Variants in UNC5D observed in about 807,000 individuals in gnomAD.
UNC5D encodes the protein unc-5 netrin receptor D, also known as netrin receptor UNC5D.
A neutral mutation model predicts 105.4 loss-of-function variants in UNC5D; 39 were observed. The ratio of observed to expected loss-of-function variants is 0.37; its 90% CI spans 0.29 to 0.48. The LOEUF (loss-of-function observed/expected upper bound fraction) is 0.48. Among genes scored for constraint, UNC5D ranks in the 20% least tolerant of loss-of-function variants. The pLI, the probability that UNC5D is intolerant of heterozygous loss-of-function variation, is 0.98. For missense variants in UNC5D, 991 were observed against 1,202.4 expected (o/e 0.82, Z 2.60); for synonymous variants, 452 against 450.4 (o/e 1.00, Z -0.04).
chr8:35,735,688 A>G (rs1285692601), intron 11 of UNC5D, among the ~76,000 whole-genome samples: 1 of 152,272 alleles, frequency 6.6e-6, no homozygotes, highest in Admixed American at 6.5e-5. Flanking sequence ...AATAGAGAAG[A>G]AAGGATAGAA....
chr8:35,358,137 C>T (rs1302272753), intron 1 of UNC5D, among the ~76,000 whole-genome samples: 1 of 152,126 alleles, frequency 6.6e-6, no homozygotes, highest in African/African-American at 2.4e-5. Flanking sequence ...CCCAGCAATC[C>T]CATTACTGGG....
intron 1 of UNC5D, among the ~76,000 whole-genome samples, chr8:35,263,701 T>C (rs1341645548): frequency 2.0e-5 from 3 of 152,206 alleles, no homozygotes; most frequent in Non-Finnish European, 2.9e-5. Flanking sequence ...AATAGTAGAG[T>C]AGATGACAGA....
intron 1 of UNC5D, among the ~76,000 whole-genome samples, chr8:35,413,929 T>C (rs1418153334): frequency 6.6e-6 from 1 of 152,110 alleles, no homozygotes; most frequent in African/African-American, 2.4e-5. Context: ...GTGCTGGTCA[T>C]ATATTACAAC....
chr8:35,262,938 C>T (rs1804588304), intron 1 of UNC5D, among the ~76,000 whole-genome samples: 1 of 152,058 alleles, frequency 6.6e-6, no homozygotes, highest in African/African-American at 2.4e-5. Context: ...TTTATCACTC[C>T]CCAAAAAGCA....
chr8:35,740,058 G>A (rs1344032842), intron 11 of UNC5D, among the ~76,000 whole-genome samples: 1 of 152,186 alleles, frequency 6.6e-6, no homozygotes, highest in Non-Finnish European at 1.5e-5. Flanking sequence ...GCCCTAAAGT[G>A]AACAGATACC....
intron 1 of UNC5D, among the ~76,000 whole-genome samples, chr8:35,480,581 C>A (rs749589070): frequency 6.6e-6 from 1 of 152,052 alleles, no homozygotes; most frequent in Non-Finnish European, 1.5e-5. Context: ...CATTATTGAA[C>A]AACTTTTTTT....
At chr8:35,334,762 C>T (rs769158095) in intron 1 of UNC5D, among the ~76,000 whole-genome samples, 8 of 152,180 alleles carry the variant, frequency 5.3e-5, no homozygotes, top group Non-Finnish European at 1.2e-4. Flanking sequence ...GATGCACCCA[C>T]CTCGGCCTCC....
intron 4 of UNC5D, among the ~76,000 whole-genome samples, chr8:35,678,339 C>A (rs538124874): frequency 1.1e-4 from 17 of 152,094 alleles, no homozygotes; most frequent in Non-Finnish European, 2.2e-4. Context: ...AATCCTCTTT[C>A]ATTTTGGGTT....
At chr8:35,372,555 TGAA>T (rs996967778) in intron 1 of UNC5D, among the ~76,000 whole-genome samples, 14 of 152,168 alleles carry the variant, frequency 9.2e-5, no homozygotes, top group African/African-American at 3.1e-4. Context: ...AGAAAGGAAA[TGAA>T]TAAGCTTTCA....
intron 1 of UNC5D, among the ~76,000 whole-genome samples, chr8:35,512,897 C>T (rs6985704): frequency 0.076 from 11,515 of 151,784 alleles, 473 homozygotes; most frequent in Non-Finnish European, 0.086. Context: ...CCCAAACTGG[C>T]CTTGACCTCC....
At chr8:35,743,430 T>C (rs1328052861) in intron 11 of UNC5D, among the ~76,000 whole-genome samples, 2 of 151,480 alleles carry the variant, frequency 1.3e-5, no homozygotes, top group Admixed American at 1.3e-4. Flanking sequence ...CCACCACGCC[T>C]GACTAATTTT....
chr8:35,748,209 G>T (rs1469145002), intron 11 of UNC5D, among the ~76,000 whole-genome samples: 1 of 152,138 alleles, frequency 6.6e-6, no homozygotes, highest in African/African-American at 2.4e-5. Context: ...CAAGAATAAG[G>T]ATTCAGTAGC....
intron 1 of UNC5D, among the ~76,000 whole-genome samples, chr8:35,424,061 A>G (rs1357121116): frequency 6.6e-6 from 1 of 152,138 alleles, no homozygotes; most frequent in African/African-American, 2.4e-5. Flanking sequence ...TGGCTTCCCA[A>G]AGTGCTGGGA....
intron 1 of UNC5D, among the ~76,000 whole-genome samples, chr8:35,385,717 G>A (rs1270759705): frequency 2.6e-5 from 4 of 151,996 alleles, no homozygotes; most frequent in East Asian, 3.9e-4. Context: ...CACCTGCCTC[G>A]GCCTCCCACA....
At chr8:35,472,826 A>G (rs1044418851) in intron 1 of UNC5D, among the ~76,000 whole-genome samples, 1 of 152,170 alleles carries the variant, frequency 6.6e-6, no homozygotes, top group Non-Finnish European at 1.5e-5. Flanking sequence ...TTGGCCTCAC[A>G]TGAAGGGTAG....
intron 1 of UNC5D, among the ~76,000 whole-genome samples, chr8:35,459,853 C>T (rs1043362141): frequency 1.3e-5 from 2 of 152,052 alleles, no homozygotes; most frequent in African/African-American, 4.8e-5. Context: ...GATTTTATGC[C>T]ATTGGACAAT....
rs535790687 is a variant in UNC5D, at chr8:35,782,553, G to T, written c.2658-7806G>T. 2.7e-5 allele frequency among the ~76,000 whole-genome samples: 4 copies of T among 150,332 alleles called. No individual in the cohort carries two copies. The East Asian group carries it at 7.9e-4, about 30-fold the overall frequency. On this transcript the variant is annotated intron_variant, in intron 16 of 16. Coordinates refer to ENST00000404895, the MANE Select transcript of UNC5D (RefSeq NM_080872.4). ...GAGTCTCACCCTGTCACCCAGGCTG[G>T]AGTGCAATGGCACCATCTAGGCTCA...
intron 4 of UNC5D, among the ~76,000 whole-genome samples, chr8:35,656,582 TAGAG>T (rs916830833): frequency 2.6e-5 from 4 of 152,172 alleles, no homozygotes; most frequent in East Asian, 1.9e-4. Context: ...AATCAGAGCA[TAGAG>T]AGAGTCACTT....
chr8:35,598,747 T>C (rs1819640541), intron 4 of UNC5D, among the ~76,000 whole-genome samples: 1 of 152,120 alleles, frequency 6.6e-6, no homozygotes, highest in South Asian at 2.1e-4. Context: ...ATGTTGTCAT[T>C]TGTGACAACA....
Sources: allele counts gnomAD v4.1 joint callset (sites outside exome capture counted in the v4.1 genomes callset), GRCh38; gene constraint gnomAD v4.1.1; transcripts MANE v1.5; gene names NCBI Gene and HGNC (gene_info 2026-07-23, HGNC 2026-07-21).